The following RGS20 variants were observed in gnomAD, a reference collection of about 807,000 sequenced individuals.
RGS20 encodes gz-selective GTPase-activating protein.
RGS20 carries 30 observed loss-of-function variants against 33.6 expected under a neutral mutation model. The ratio of observed to expected loss-of-function variants is 0.89; its 90% CI spans 0.67 to 1.21. The LOEUF is 1.21. RGS20 is among the 50% of genes most tolerant of loss of function. The pLI, the probability that RGS20 is intolerant of heterozygous loss-of-function variation, is 0.00. For synonymous variants in RGS20, 208 were observed against 197.9 expected, an observed-to-expected ratio of 1.05 and a Z score of -0.43; for missense variants, 472 against 502.4, an observed-to-expected ratio of 0.94 and a Z score of 0.58.
chr8:53,946,078 A>G (rs1013315786), intron 3 of RGS20, among the ~76,000 whole-genome samples: 3 of 152,186 alleles, frequency 2.0e-5, no homozygotes, highest in African/African-American at 4.8e-5. Context: ...ATTTTTCTCT[A>G]CTACTTTTGT....
intron 4 of RGS20, among the ~76,000 whole-genome samples, chr8:53,947,135 T>A (rs533789126): frequency 7.8e-4 from 115 of 146,670 alleles, no homozygotes; most frequent in African/African-American, 2.6e-3. Context: ...TTATATATGC[T>A]ATATATATGA....
At position 53,909,207 on chromosome 8, in the gene RGS20, GTGTATATATATATATA is replaced by G. The variant is rs1173370575; in HGVS notation, c.510+29607_510+29622del. Among the ~76,000 whole-genome samples the G allele has an allele frequency of 1.1e-3, 91 of 83,138 alleles. 3 individuals are homozygous for G. Among genetic ancestry groups the G allele is most frequent in the African/African-American group, 3.6e-3 (68 of 18,910 alleles). The allele number at this position is 83,138 out of a possible 152,430, so 54.5% of individuals were successfully genotyped here. ...TACTCTATTATCCATTATGGTATGT[GTGTATATATATATATA>G]TATATATATATATATATATATATAT... On this transcript the variant is annotated intron_variant, in intron 2 of 5. Coordinates refer to ENST00000297313, the MANE Select transcript of RGS20 (RefSeq NM_170587.4).
rs1585875296 is a variant in RGS20, at chr8:53,876,596, C to G, written c.166-2662C>G. The stretch of plus-strand genomic sequence containing the variant: ...TTTCTGCAGATAACTTTTCTCAGAT[C>G]GAATTTTTTGGCTACATTGATACTC... On this transcript the variant is annotated intron_variant, in intron 1 of 5. Transcript: ENST00000297313. 2.0e-5 allele frequency: 3 copies of G among 152,376 alleles called. No individual in the cohort carries two copies. In the South Asian group the frequency reaches 6.2e-4, roughly 32 times the overall value. The allele number at this position is 152,376 out of a possible 1,614,324, so 9.4% of individuals were successfully genotyped here. A position where few individuals can be genotyped will look rare whatever the true frequency, so the allele number is the denominator to read the frequency against.
intron 2 of RGS20, among the ~76,000 whole-genome samples, chr8:53,886,028 T>A (rs1476195311): frequency 6.6e-6 from 1 of 152,212 alleles, no homozygotes; most frequent in Non-Finnish European, 1.5e-5. Context: ...CAATTGGGAA[T>A]ATTTCAGATT....
chr8:53,911,663 T>C (rs906246172), intron 2 of RGS20, among the ~76,000 whole-genome samples: 3 of 152,208 alleles, frequency 2.0e-5, no homozygotes, highest in African/African-American at 7.2e-5. Context: ...CCAGGCACGG[T>C]GGCTCATTGC....
At position 53,936,675 on chromosome 8, in the gene RGS20, C is replaced by A. The variant is rs148056565; in HGVS notation, c.511-2901C>A. Among the ~76,000 whole-genome samples, 1,390 of 152,222 alleles carry A rather than the reference C, an allele frequency of 9.1e-3. 32 individuals are homozygous for A. The highest frequency in any genetic ancestry group is 0.077 in the East Asian group (399 of 5,174). On this transcript the variant is annotated intron_variant, in intron 2 of 5. Coordinates refer to ENST00000297313, the MANE Select transcript of RGS20 (RefSeq NM_170587.4). ...ATATCCTGAAAATGGCCATACTGCC[C>A]AAAGTAATTGATAGATTCAATGCCG...
intron 2 of RGS20, among the ~76,000 whole-genome samples, chr8:53,920,526 T>C (rs1398096621): frequency 6.6e-6 from 1 of 152,216 alleles, no homozygotes; most frequent in Non-Finnish European, 1.5e-5. Flanking sequence ...GCCTTTTATT[T>C]ATTTTTCTTG....
rs573661299 is a variant in RGS20 at position 53,877,377 on chromosome 8, C to A, written c.166-1881C>A. Among the ~76,000 whole-genome samples the A allele has an allele frequency of 2.8e-3, 424 of 152,274 alleles. 5 individuals are homozygous for A. Among genetic ancestry groups the A allele is most frequent in the African/African-American group, 9.8e-3 (407 of 41,572 alleles). The stretch of plus-strand genomic sequence containing the variant: ...GCAGACGCGGCCGCCGGCCCGCAGT[C>A]CCCCGCAGGTGCCGCCCAGGACTAG... On this transcript the variant is annotated intron_variant, in intron 1 of 5. Coordinates refer to ENST00000297313, the MANE Select transcript of RGS20 (RefSeq NM_170587.4). The surrounding 1 kb of genome is among the most constrained non-coding windows in gnomAD (Gnocchi z 5.7).
At chr8:53,887,594 C>T (rs1180993670) in intron 2 of RGS20, among the ~76,000 whole-genome samples, 1 of 152,118 alleles carries the variant, frequency 6.6e-6, no homozygotes, top group Non-Finnish European at 1.5e-5. Context: ...AGAGCACACG[C>T]CCATAGATTT....
At chr8:53,895,899 G>A (rs544411629) in intron 2 of RGS20, among the ~76,000 whole-genome samples, 3 of 151,902 alleles carry the variant, frequency 2.0e-5, no homozygotes, top group South Asian at 2.1e-4. Flanking sequence ...TGCCCGCCTC[G>A]GCCTCCCAAA....
At chr8:53,868,211 G>A (rs1811964450) in intron 1 of RGS20, among the ~76,000 whole-genome samples, 1 of 152,132 alleles carries the variant, frequency 6.6e-6, no homozygotes, top group African/African-American at 2.4e-5. Context: ...AGGGTGAGAG[G>A]ATGACAAATT....
chr8:53,871,570 T>A (rs1278372699), intron 1 of RGS20, among the ~76,000 whole-genome samples: 1 of 151,754 alleles, frequency 6.6e-6, no homozygotes, highest in Non-Finnish European at 1.5e-5. Context: ...TGAGTTGAGA[T>A]CATGCCACTG....
At chr8:53,885,790 C>CTT (rs1172257852) in intron 2 of RGS20, among the ~76,000 whole-genome samples, 2,922 of 112,536 alleles carry the variant, frequency 0.026, 136 homozygotes, top group African/African-American at 0.089. Flanking sequence ...GTATCTTACT[C>CTT]TTTTTTTTTT....
intron 2 of RGS20, among the ~76,000 whole-genome samples, chr8:53,938,494 A>G (rs2129289908): frequency 6.6e-6 from 1 of 152,338 alleles, no homozygotes; most frequent in Middle Eastern, 3.4e-3. Context: ...TACCTATGTA[A>G]CAAACCTTCA....
chr8:53,882,350 G>A (rs1414101614), intron 2 of RGS20, among the ~76,000 whole-genome samples: 1 of 152,144 alleles, frequency 6.6e-6, no homozygotes. Flanking sequence ...TCCCGGACTT[G>A]ACAGCATCAA....
At chr8:53,875,535 G>C (rs1812185828) in intron 1 of RGS20, among the ~76,000 whole-genome samples, 1 of 151,712 alleles carries the variant, frequency 6.6e-6, no homozygotes, top group African/African-American at 2.4e-5. Flanking sequence ...GAGAACAGAG[G>C]ACCCAGTTAT....
At chr8:53,891,195 C>G (rs1283811609) in intron 2 of RGS20, among the ~76,000 whole-genome samples, 2 of 152,208 alleles carry the variant, frequency 1.3e-5, no homozygotes, top group Non-Finnish European at 2.9e-5. Context: ...TAGTGACAGA[C>G]AGCTCAGCTT....
Position 53,948,060 on chromosome 8 carries a change from GTATA to G in RGS20, c.743+1318_743+1321del, listed in dbSNP as rs546679095. Among the ~76,000 whole-genome samples the G allele has an allele frequency of 2.7e-3, 353 of 131,118 alleles. 2 individuals carry two copies. The highest frequency in any genetic ancestry group is 9.5e-3 in the African/African-American group (331 of 34,952). The allele number at this position is 131,118 out of a possible 152,430, so 86.0% of individuals were successfully genotyped here. A position where few individuals can be genotyped will look rare whatever the true frequency, so the allele number is the denominator to read the frequency against. On this transcript the variant is annotated intron_variant, in intron 4 of 5. Coordinates refer to ENST00000297313, the MANE Select transcript of RGS20 (RefSeq NM_170587.4). ...GTATATATGCTATATGTAGGATATAGTATATATATTTATATATGCTATATATAAG... is the reference window on the plus strand; with the variant it reads ...GTATATATGCTATATGTAGGATATAGTATATTTATATATGCTATATATAAG...
At chr8:53,880,056 G>A (rs1812315559) in intron 2 of RGS20, 1 of 156,768 alleles carries the variant, frequency 6.4e-6, no homozygotes, top group Admixed American at 6.5e-5. Flanking sequence ...TCCAGCTTCA[G>A]CTTAGCCCTC....
Sources: allele counts gnomAD v4.1 joint callset (sites outside exome capture counted in the v4.1 genomes callset), GRCh38; gene constraint gnomAD v4.1.1; non-coding constraint Gnocchi (gnomAD v3.1); transcripts MANE v1.5; gene names NCBI Gene and HGNC (gene_info 2026-07-23, HGNC 2026-07-21).